Variants in CAPN9 observed in about 807,000 individuals in gnomAD.
The protein encoded by CAPN9 is calpain 9.
CAPN9 carries 81 observed loss-of-function variants against 92.8 expected under a neutral mutation model. The ratio of observed to expected loss-of-function variants is 0.87; its 90% CI spans 0.73 to 1.05. CAPN9 has a LOEUF of 1.05. Ranked by LOEUF, CAPN9 falls within the 50% of genes least tolerant of loss-of-function variation. The pLI, the probability that CAPN9 is intolerant of heterozygous loss-of-function variation, is 0.00. For missense variants in CAPN9, 848 were observed against 866.2 expected, an observed-to-expected ratio of 0.98 and a Z score of 0.26; for synonymous variants, 304 against 328.0, an observed-to-expected ratio of 0.93 and a Z score of 0.79.
intron 5 of CAPN9, among the ~76,000 whole-genome samples, chr1:230,768,259 CAA>C (rs1666138236): frequency 6.6e-6 from 1 of 151,918 alleles, no homozygotes; most frequent in African/African-American, 2.4e-5. Flanking sequence ...AAATAAAACA[CAA>C]GTTTTTATTT....
Position 230,801,701 on chromosome 1 carries a change from C to A in CAPN9, c.*105C>A. 1 of 995,052 alleles carries A rather than the reference C, an allele frequency of 1.0e-6. No homozygotes were observed. The highest frequency in any genetic ancestry group is 1.6e-6 in the Non-Finnish European group (1 of 615,470). The allele number at this position is 995,052 out of a possible 1,614,324, so 61.6% of individuals were successfully genotyped here. A position where few individuals can be genotyped will look rare whatever the true frequency, so the allele number is the denominator to read the frequency against. On this transcript the variant is annotated 3_prime_UTR_variant, in exon 20 of 20. Coordinates refer to ENST00000271971, the MANE Select transcript of CAPN9 (RefSeq NM_006615.3). Reference sequence around the variant, plus strand: ...AACCATTACGCCCAGGGTTCACTCCCCTCTCATCGTCCGGCCTTCTCCCTT... The same window carrying A: ...AACCATTACGCCCAGGGTTCACTCCACTCTCATCGTCCGGCCTTCTCCCTT...
intron 8 of CAPN9, among the ~76,000 whole-genome samples, chr1:230,777,322 AG>A (rs1666867989): frequency 6.6e-6 from 1 of 151,820 alleles, no homozygotes; most frequent in Admixed American, 6.6e-5. Flanking sequence ...CCCCAACACC[AG>A]GGCTGAGCCT....
intron 2 of CAPN9, among the ~76,000 whole-genome samples, chr1:230,756,464 AATAG>A (rs1234411885): frequency 6.6e-6 from 1 of 152,216 alleles, no homozygotes; most frequent in Non-Finnish European, 1.5e-5. Context: ...AATATATAAT[AATAG>A]ATAGATGGTA....
chr1:230,755,934 G>A lies in CAPN9; in HGVS notation c.283+528G>A, dbSNP rs531665365. Among the ~76,000 whole-genome samples the A allele has an allele frequency of 7.9e-5, 12 of 152,122 alleles. No individual in the cohort carries two copies. In the South Asian group the frequency reaches 1.2e-3, roughly 16 times the overall value. On this transcript the variant is annotated intron_variant, in intron 2 of 19. Transcript: ENST00000271971. ...ACCATTATACACACCCTGGGGAGCC[G>A]CTCCCCAGCAATCCAGTCTCCCTCC...
intron 8 of CAPN9, among the ~76,000 whole-genome samples, chr1:230,778,105 A>C (rs1040118095): frequency 6.6e-6 from 1 of 151,718 alleles, no homozygotes; most frequent in African/African-American, 2.4e-5. Context: ...TGACCTCCTG[A>C]GCTTCTCTCT....
intron 15 of CAPN9, 33 bp downstream of exon 15, chr1:230,791,961 A>C: frequency 6.6e-7 from 1 of 1,503,968 alleles, no homozygotes; most frequent in Non-Finnish European, 9.3e-7. Context: ...AGAAATAGAC[A>C]TGGATCCTGG....
chr1:230,778,859 T>G lies in CAPN9; in HGVS notation c.954-114T>G. 2.0e-6 allele frequency: 2 copies of G among 997,392 alleles called. 1 individual carries two copies. Among genetic ancestry groups the G allele is most frequent in the Non-Finnish European group, 2.9e-6 (2 of 684,714 alleles). 61.8% of individuals were successfully genotyped at this position (997,392 alleles called of 1,614,324 possible). ...CACACTTTGCAGTCCCCCCACTCCT[T>G]GCGGACAGGAACAAGATGATTTAAT... On this transcript the variant is annotated intron_variant, in intron 8 of 19. Coordinates refer to ENST00000271971, the MANE Select transcript of CAPN9 (RefSeq NM_006615.3).
intron 7 of CAPN9, among the ~76,000 whole-genome samples, chr1:230,772,727 G>A (rs1385040523): frequency 6.8e-6 from 1 of 147,356 alleles, no homozygotes; most frequent in Non-Finnish European, 1.5e-5. Flanking sequence ...GGGCAACAGA[G>A]CATGTTGACC....
intron 1 of CAPN9, among the ~76,000 whole-genome samples, chr1:230,751,687 G>A (rs768927997): frequency 8.7e-5 from 13 of 149,952 alleles, no homozygotes; most frequent in Non-Finnish European, 8.9e-5. Flanking sequence ...AAGAAAGAAG[G>A]GTGGCTTTTC....
intron 3 of CAPN9, among the ~76,000 whole-genome samples, chr1:230,760,559 G>A (rs560258066): frequency 6.6e-6 from 1 of 152,308 alleles, no homozygotes; most frequent in East Asian, 1.9e-4. Flanking sequence ...TGTTTCAAAG[G>A]CAAAGAGAGT....
rs1029333603 is a variant in CAPN9 at position 230,787,598 on chromosome 1, G to C, written c.1595G>C (p.Gly532Ala). The change falls in exon 13 of 20, where the codon GGT becomes GCT. Residue 532 changes from glycine (G) to alanine (A), a missense_variant. Physicochemically the swap from Gly to Ala is moderately conservative, Grantham distance 60 (BLOSUM62 0). Transcript: ENST00000271971. ...CGGGCTCTGTTTGAACAAGTCGCTG[G>C]TGAGGTAGGACATGCCCCACTTCCA... ...RFRALFEQVAGEDMEVTAEEL... is the reference protein window; with the variant it reads ...RFRALFEQVAAEDMEVTAEEL... 1.2e-6 allele frequency: 2 copies of C among 1,613,568 alleles called. No homozygotes were observed. The highest frequency in any genetic ancestry group is 2.7e-5 in the African/African-American group (2 of 74,900).
intron 13 of CAPN9, among the ~76,000 whole-genome samples, chr1:230,788,291 C>T (rs1667747670): frequency 6.6e-6 from 1 of 152,124 alleles, no homozygotes; most frequent in Non-Finnish European, 1.5e-5. Context: ...TATTCAATTG[C>T]AACTTCCTGT....
intron 8 of CAPN9, among the ~76,000 whole-genome samples, chr1:230,778,091 A>C (rs1666946426): frequency 6.6e-6 from 1 of 151,868 alleles, no homozygotes; most frequent in Admixed American, 6.6e-5. Context: ...CACGTGCCCA[A>C]ACCTGACCTC....
At chr1:230,785,698 C>T (rs1343632717) in intron 11 of CAPN9, among the ~76,000 whole-genome samples, 3 of 152,186 alleles carry the variant, frequency 2.0e-5, no homozygotes, top group Non-Finnish European at 2.9e-5. Flanking sequence ...AATCAAATCT[C>T]TTTTCTTTAT....
intron 3 of CAPN9, among the ~76,000 whole-genome samples, chr1:230,760,548 G>GT (rs952876324): frequency 3.9e-5 from 6 of 152,222 alleles, no homozygotes; most frequent in African/African-American, 1.4e-4. Flanking sequence ...TAGCACAGAA[G>GT]TGTTTCAAAG....
At chr1:230,751,637 A>AAG (rs1234276406) in intron 1 of CAPN9, among the ~76,000 whole-genome samples, 3 of 93,832 alleles carry the variant, frequency 3.2e-5, no homozygotes, top group African/African-American at 1.7e-4. Context: ...GAAAGAAAGA[A>AAG]AGAAAGAAAG....
At position 230,795,070 on chromosome 1, in the gene CAPN9, T is replaced by C. The variant is rs540810664; in HGVS notation, c.1871-93T>C. 3 of 775,148 alleles carry C rather than the reference T, an allele frequency of 3.9e-6. No homozygotes were observed. The African/African-American group carries it at 5.1e-5, about 13-fold the overall frequency. 48.0% of individuals were successfully genotyped at this position (775,148 alleles called of 1,614,324 possible). ...AACAGTGGCTTCCTCTTCTGAGCCC[T>C]CTCCTCAGCTGCCTGGGAGCTCCCT... On this transcript the variant is annotated intron_variant, in intron 17 of 19. Coordinates refer to ENST00000271971, the MANE Select transcript of CAPN9 (RefSeq NM_006615.3).
intron 4 of CAPN9, among the ~76,000 whole-genome samples, chr1:230,766,894 G>A (rs1374472773): frequency 6.6e-6 from 1 of 152,116 alleles, no homozygotes; most frequent in Non-Finnish European, 1.5e-5. Context: ...GATCTGATGA[G>A]ACTCATTCAC....
At chr1:230,788,535 T>C (rs1251190615) in intron 13 of CAPN9, among the ~76,000 whole-genome samples, 2 of 152,036 alleles carry the variant, frequency 1.3e-5, no homozygotes, top group Non-Finnish European at 2.9e-5. Flanking sequence ...CAAACTGGGG[T>C]TCCTGAATTA....
Sources: allele counts gnomAD v4.1 joint callset (sites outside exome capture counted in the v4.1 genomes callset), GRCh38; gene constraint gnomAD v4.1.1; transcripts MANE v1.5; gene names NCBI Gene and HGNC (gene_info 2026-07-23, HGNC 2026-07-21).